SMG6: variants seen among roughly 807,000 people sequenced by gnomAD.
SMG6 encodes the protein telomerase-binding protein EST1A.
SMG6 carries 66 observed loss-of-function variants against 142.2 expected under a neutral mutation model. The ratio of observed to expected loss-of-function variants is 0.46; its 90% CI spans 0.38 to 0.57. SMG6 has a LOEUF of 0.57. Ranked by LOEUF, SMG6 falls within the 20% of genes least tolerant of loss-of-function variation. The pLI is 0.00. For synonymous variants in SMG6, 779 were observed against 702.4 expected, an observed-to-expected ratio of 1.11 and a Z score of -1.72; for missense variants, 1,793 against 1,832.0, an observed-to-expected ratio of 0.98 and a Z score of 0.39.
chr17:2,176,078 CA>C (rs1194980311), intron 12 of SMG6, among the ~76,000 whole-genome samples: 1 of 152,132 alleles, frequency 6.6e-6, no homozygotes, highest in Non-Finnish European at 1.5e-5. Context: ...TGTCTGAACT[CA>C]AAAGTTAAGA....
intron 13 of SMG6, among the ~76,000 whole-genome samples, chr17:2,112,568 T>TAAAA (rs1183873927): frequency 7.8e-5 from 10 of 128,428 alleles, no homozygotes; most frequent in Admixed American, 1.6e-4. Flanking sequence ...AATAAATAAA[T>TAAAA]AAAAGGCAAT....
chr17:2,090,232 A>G (rs2068679211), intron 13 of SMG6, among the ~76,000 whole-genome samples: 1 of 151,384 alleles, frequency 6.6e-6, no homozygotes, highest in Admixed American at 6.6e-5. Context: ...GTTCTCTGAA[A>G]ACTGGTGACT....
chr17:2,164,087 G>T (rs990364452), intron 13 of SMG6, among the ~76,000 whole-genome samples: 14 of 150,090 alleles, frequency 9.3e-5, no homozygotes, highest in African/African-American at 3.4e-4. Context: ...CAATGACAGG[G>T]TGAAACCCTA....
intron 13 of SMG6, among the ~76,000 whole-genome samples, chr17:2,115,113 G>A (rs1319513537): frequency 1.3e-5 from 2 of 152,046 alleles, no homozygotes; most frequent in Non-Finnish European, 2.9e-5. Flanking sequence ...AGATGAGGCA[G>A]AAGGAAGACA....
intron 13 of SMG6, among the ~76,000 whole-genome samples, chr17:2,109,161 G>C (rs1446906608): frequency 6.6e-6 from 1 of 152,178 alleles, no homozygotes; most frequent in East Asian, 1.9e-4. Flanking sequence ...AATAGCATTA[G>C]AGTTGACAGT....
Position 2,199,139 on chromosome 17 carries a change from T to A in SMG6, c.2870-10624A>T, listed in dbSNP as rs74666116. ...AAGATGACGAATGAATTGCAGAAAC[T>A]GAGCGAGCAGTTAAAAAATGTTCTT... On this transcript the variant is annotated intron_variant, in intron 10 of 18. Transcript: ENST00000263073. Among the ~76,000 whole-genome samples, 875 of 152,180 alleles carry A rather than the reference T, an allele frequency of 5.7e-3. 7 individuals are homozygous for A. The highest frequency in any genetic ancestry group is 6.8e-3 in the Middle Eastern group (2 of 294).
At chr17:2,210,869 G>A (rs1463807913) in intron 10 of SMG6, among the ~76,000 whole-genome samples, 1 of 151,876 alleles carries the variant, frequency 6.6e-6, no homozygotes, top group East Asian at 1.9e-4. Context: ...ATGACCTGCA[G>A]GATGCTCAGC....
intron 6 of SMG6, among the ~76,000 whole-genome samples, chr17:2,286,795 T>C (rs976791295): frequency 6.6e-6 from 1 of 152,164 alleles, no homozygotes; most frequent in African/African-American, 2.4e-5. Context: ...TCGAAAGATA[T>C]TCTCAGCAGA....
rs2068518148 is a variant in SMG6 at position 2,085,034 on chromosome 17, C to A, written c.3534+691G>T. Among the ~76,000 whole-genome samples, 3 of 152,166 alleles carry A rather than the reference C, an allele frequency of 2.0e-5. No homozygotes were observed. Among genetic ancestry groups the A allele is most frequent in the African/African-American group, 7.2e-5 (3 of 41,420 alleles). ...ACATCAACAATCACTCCCAGAAAGA[C>A]ACAAATAGGCAATGGCAATATATAG... is the stretch of plus-strand genomic sequence containing the variant. On this transcript the variant is annotated intron_variant, in intron 14 of 18. Coordinates refer to ENST00000263073, the MANE Select transcript of SMG6 (RefSeq NM_017575.5). This position sits in a 1 kb window ranked among gnomAD's most constrained non-coding sequence, Gnocchi z 4.1.
intron 13 of SMG6, chr17:2,087,572 A>G (rs1261243975): frequency 9.9e-6 from 10 of 1,005,112 alleles, no homozygotes; most frequent in Non-Finnish European, 1.2e-5. Flanking sequence ...AAGGGCTTAG[A>G]AAAAGTTCAG....
intron 13 of SMG6, among the ~76,000 whole-genome samples, chr17:2,090,182 CAAAAAAAAAAAAAAAAAAAAGGAAA>C: frequency 1.0e-5 from 1 of 96,648 alleles, no homozygotes; most frequent in Non-Finnish European, 2.0e-5. Flanking sequence ...GACTCTGTCT[CAAAAAAAAAAAAAAAAAAAAGGAAA>C]GAAGAAAAAA....
Position 2,186,701 on chromosome 17 carries a change from G to C in SMG6, c.3117C>G (p.Thr1039=). 6.2e-7 allele frequency: 1 copy of C among 1,614,234 alleles called. No homozygotes were observed. The highest frequency in any genetic ancestry group is 8.5e-7 in the Non-Finnish European group (1 of 1,180,040). The change falls in exon 12 of 19, where the codon ACC becomes ACG. Residue 1039 remains threonine (T), a synonymous_variant. Transcript: ENST00000263073. ...WSDWMLGYPD[T]WNPPPTSLDL... is the part of the protein sequence containing the mutation. ...CCAGGGATGTGGGAGGAGGATTCCA[G>C]GTGTCCGGGTAGCCGAGCATCCAAT...
intron 13 of SMG6, among the ~76,000 whole-genome samples, chr17:2,104,092 C>A (rs1049252157): frequency 6.6e-6 from 1 of 152,034 alleles, no homozygotes; most frequent in Non-Finnish European, 1.5e-5. Context: ...GCTGGGACTA[C>A]AGGCGCCCAC....
At chr17:2,088,813 G>A in intron 13 of SMG6, 4 of 985,420 alleles carry the variant, frequency 4.1e-6, no homozygotes, top group South Asian at 4.7e-5. Flanking sequence ...TCACTGGCCT[G>A]TCTGCAAAAG....
intron 13 of SMG6, among the ~76,000 whole-genome samples, chr17:2,094,121 T>G (rs1312973744): frequency 6.6e-6 from 1 of 152,200 alleles, no homozygotes; most frequent in African/African-American, 2.4e-5. Flanking sequence ...CACTAATAAA[T>G]GTATCAGAAA....
intron 10 of SMG6, among the ~76,000 whole-genome samples, chr17:2,215,223 A>ACACG (rs1555556734): frequency 9.3e-5 from 14 of 151,264 alleles, no homozygotes; most frequent in African/African-American, 2.4e-4. Flanking sequence ...ACACACACAC[A>ACACG]CGCGCGCGCA....
chr17:2,275,006 C>CA (rs57628038), intron 8 of SMG6, among the ~76,000 whole-genome samples: 1,653 of 115,914 alleles, frequency 0.014, 17 homozygotes, highest in Non-Finnish European at 0.022. Flanking sequence ...AAAGCATGGG[C>CA]AAAAAAAAAA....
rs2075340959 is a variant in SMG6, at chr17:2,303,600, GGCCCGGCCCAGGA to G, written c.88+20_88+32del. The G allele has an allele frequency of 7.1e-7, 1 of 1,408,472 alleles. No homozygotes were observed. The highest frequency in any genetic ancestry group is 3.2e-5 in the Admixed American group (1 of 31,708). The allele number at this position is 1,408,472 out of a possible 1,614,324, so 87.2% of individuals were successfully genotyped here. Reference sequence around the variant, plus strand: ...GGAGGAGAGGGAGGCGGGGCGGGCAGGCCCGGCCCAGGAGCTGGGCGGCGCGACTCACCTCTGC... The same window carrying G: ...GGAGGAGAGGGAGGCGGGGCGGGCAGGCTGGGCGGCGCGACTCACCTCTGC... On this transcript the variant is annotated intron_variant, in intron 1 of 18. Transcript: ENST00000263073.
chr17:2,123,599 A>G (rs891495028), intron 13 of SMG6, among the ~76,000 whole-genome samples: 1 of 152,186 alleles, frequency 6.6e-6, no homozygotes, highest in African/African-American at 2.4e-5. Context: ...AGGACAGGGA[A>G]GTGAAACCCA....
Sources: gnomAD v4.1 joint callset for allele counts (sites outside exome capture counted in the v4.1 genomes callset) on GRCh38, gnomAD v4.1.1 for gene constraint, Gnocchi (gnomAD v3.1) non-coding constraint, MANE v1.5 for transcripts, NCBI Gene and HGNC (gene_info 2026-07-23, HGNC 2026-07-21) for gene names.